Variants in RAB7A observed in about 807,000 individuals in gnomAD.
RAB7A encodes ras-related protein Rab-7a.
A neutral mutation model predicts 24.5 loss-of-function variants in RAB7A; 2 were observed. The observed-to-expected ratio is 0.08, with a 90% CI of 0.03 to 0.26. RAB7A has a LOEUF of 0.26. RAB7A is among the 10% of genes least tolerant of loss of function. The pLI, the probability that RAB7A is intolerant of heterozygous loss-of-function variation, is 1.00. For synonymous variants in RAB7A, 100 were observed against 95.9 expected (o/e 1.04, Z -0.25); for missense variants, 118 against 255.7 (o/e 0.46, Z 3.67).
intron 1 of RAB7A, among the ~76,000 whole-genome samples, chr3:128,765,396 T>TG (rs2070820909): frequency 6.6e-6 from 1 of 152,182 alleles, no homozygotes; most frequent in African/African-American, 2.4e-5. Context: ...CCATTACTCT[T>TG]GCTAATTCAA....
chr3:128,796,094 T>C (rs1485146444), intron 2 of RAB7A, among the ~76,000 whole-genome samples: 1 of 152,170 alleles, frequency 6.6e-6, no homozygotes, highest in East Asian at 1.9e-4. Context: ...CTCCTGCTGC[T>C]GTGCCTGCTT....
At chr3:128,795,711 C>G (rs79642257) in intron 2 of RAB7A, among the ~76,000 whole-genome samples, 1 of 142,052 alleles carries the variant, frequency 7.0e-6, no homozygotes, top group East Asian at 2.1e-4. Flanking sequence ...GTCTTCCTTA[C>G]GTAGATGTAT....
chr3:128,791,540 A>G lies in RAB7A; in HGVS notation c.-8-3820A>G, dbSNP rs892827166. Among the ~76,000 whole-genome samples the G allele has an allele frequency of 3.9e-5, 6 of 152,198 alleles. No individual in the cohort carries two copies. In the South Asian group the frequency reaches 6.2e-4, roughly 16 times the overall value. On this transcript the variant is annotated intron_variant, in intron 1 of 5. Transcript: ENST00000265062. ...TGCATGAGAATTTGACTTTTGTTTA[A>G]CTTTCTAGCTCTGTTTCCCTGGGAG... is the stretch of plus-strand genomic sequence containing the variant.
intron 1 of RAB7A, among the ~76,000 whole-genome samples, chr3:128,762,291 A>C (rs2070781308): frequency 6.6e-6 from 1 of 152,192 alleles, no homozygotes; most frequent in South Asian, 2.1e-4. Flanking sequence ...GACAAGGGAA[A>C]AGAAAAGTGG....
intron 1 of RAB7A, among the ~76,000 whole-genome samples, chr3:128,733,723 C>A (rs972933421): frequency 2.0e-5 from 3 of 152,160 alleles, no homozygotes; most frequent in Non-Finnish European, 4.4e-5. Flanking sequence ...CCCTTATGAC[C>A]TCACTTAACC....
intron 1 of RAB7A, among the ~76,000 whole-genome samples, chr3:128,757,257 A>G (rs1008461443): frequency 6.6e-6 from 1 of 152,162 alleles, no homozygotes; most frequent in South Asian, 2.1e-4. Flanking sequence ...TCTCCCAGCC[A>G]TACTTGATAG....
In RAB7A at chr3:128,742,189, G is replaced by A. The variant is rs141962994; in HGVS notation, c.-9+15830G>A. Among the ~76,000 whole-genome samples, 211 of 151,852 alleles carry A rather than the reference G, an allele frequency of 1.4e-3. 2 individuals are homozygous for A. Among genetic ancestry groups the A allele is most frequent in the African/African-American group, 4.7e-3 (194 of 41,396 alleles). On this transcript the variant is annotated intron_variant, in intron 1 of 5. Transcript: ENST00000265062. ...CAGCTCTTAAGGTGGCACGTCTGGA[G>A]TTGTTCGTTCCTCCCGTCTAGAGTT...
intron 1 of RAB7A, among the ~76,000 whole-genome samples, chr3:128,762,339 T>C (rs1250866174): frequency 1.3e-5 from 2 of 152,202 alleles, no homozygotes; most frequent in Non-Finnish European, 2.9e-5. Context: ...CCCAAGGAAT[T>C]GGAAGGAGTG....
At chr3:128,777,558 A>G (rs1933125373) in intron 1 of RAB7A, among the ~76,000 whole-genome samples, 1 of 152,206 alleles carries the variant, frequency 6.6e-6, no homozygotes, top group South Asian at 2.1e-4. Flanking sequence ...AGAACTCCTC[A>G]GGAGGACTGT....
intron 1 of RAB7A, among the ~76,000 whole-genome samples, chr3:128,729,175 G>T (rs1409916229): frequency 6.6e-6 from 1 of 152,052 alleles, no homozygotes; most frequent in East Asian, 1.9e-4. Context: ...CACCAACCCT[G>T]TAATCAGAGA....
chr3:128,760,661 A>C (rs887885443), intron 1 of RAB7A, among the ~76,000 whole-genome samples: 1 of 152,198 alleles, frequency 6.6e-6, no homozygotes, highest in Non-Finnish European at 1.5e-5. Context: ...TTCATCTAGC[A>C]ATCATAACAA....
intron 1 of RAB7A, among the ~76,000 whole-genome samples, chr3:128,771,783 C>G (rs1224159771): frequency 1.3e-5 from 2 of 152,150 alleles, no homozygotes; most frequent in South Asian, 2.1e-4. Flanking sequence ...TCTGTTATAC[C>G]AGAGTTGTTC....
chr3:128,756,336 T>G (rs2070729196), intron 1 of RAB7A, among the ~76,000 whole-genome samples: 1 of 151,282 alleles, frequency 6.6e-6, no homozygotes, highest in Non-Finnish European at 1.5e-5. Flanking sequence ...CACTCCAGCC[T>G]GGGCAACAGA....
intron 1 of RAB7A, among the ~76,000 whole-genome samples, chr3:128,757,675 G>A (rs2070741273): frequency 6.6e-6 from 1 of 151,816 alleles, no homozygotes; most frequent in Non-Finnish European, 1.5e-5. Context: ...CCACCACCAC[G>A]CCCAGCTAAT....
At chr3:128,790,918 A>G (rs1020130718) in intron 1 of RAB7A, among the ~76,000 whole-genome samples, 3 of 152,178 alleles carry the variant, frequency 2.0e-5, no homozygotes, top group African/African-American at 7.2e-5. Context: ...AACAACAACA[A>G]CAACAACCCT....
intron 1 of RAB7A, among the ~76,000 whole-genome samples, chr3:128,759,545 C>G (rs2070760643): frequency 6.6e-6 from 1 of 152,224 alleles, no homozygotes; most frequent in African/African-American, 2.4e-5. Flanking sequence ...AGGAATGTAG[C>G]TTTTGAAATA....
At chr3:128,738,525 C>A (rs1220568017) in intron 1 of RAB7A, among the ~76,000 whole-genome samples, 1 of 152,180 alleles carries the variant, frequency 6.6e-6, no homozygotes, top group African/African-American at 2.4e-5. Flanking sequence ...TGTTTTCTAG[C>A]TCCAGTACTC....
intron 1 of RAB7A, among the ~76,000 whole-genome samples, chr3:128,774,526 A>G (rs1933033458): frequency 6.6e-6 from 1 of 151,162 alleles, no homozygotes. Context: ...CAATGGAGCA[A>G]TCTCGGCTCA....
chr3:128,739,247 C>T (rs1245186950), intron 1 of RAB7A, among the ~76,000 whole-genome samples: 1 of 152,112 alleles, frequency 6.6e-6, no homozygotes, highest in Non-Finnish European at 1.5e-5. Flanking sequence ...TGGTGGCTCA[C>T]GCCTGTAATC....
Sources: gnomAD v4.1 joint callset for allele counts (sites outside exome capture counted in the v4.1 genomes callset) on GRCh38, gnomAD v4.1.1 for gene constraint, MANE v1.5 for transcripts, NCBI Gene and HGNC (gene_info 2026-07-23, HGNC 2026-07-21) for gene names.